PDE3A: variants seen among roughly 807,000 people sequenced by gnomAD.
PDE3A encodes the protein phosphodiesterase 3A, also known as cGMP-inhibited 3',5'-cyclic phosphodiesterase 3A.
A neutral mutation model predicts 98.3 loss-of-function variants in PDE3A; 43 were observed. The observed-to-expected ratio is 0.44, with a 90% CI of 0.34 to 0.56. PDE3A has a LOEUF of 0.56. Among genes scored for constraint, PDE3A ranks in the 20% least tolerant of loss-of-function variants. The probability of loss-of-function intolerance (pLI) is 0.01; values close to 1 mark genes in which losing one functional copy is unlikely to be tolerated. For missense variants in PDE3A, 1,427 were observed against 1,440.7 expected (o/e 0.99, Z 0.15); for synonymous variants, 663 against 567.9 (o/e 1.17, Z -2.38).
chr12:20,623,908 CCAAA>C (rs1363566980), intron 5 of PDE3A, among the ~76,000 whole-genome samples: 4 of 152,038 alleles, frequency 2.6e-5, no homozygotes, highest in African/African-American at 9.6e-5. Context: ...ATGGGTCAAT[CCAAA>C]CAAACATTAA....
chr12:20,444,365 A>G (rs1261340818), intron 1 of PDE3A, among the ~76,000 whole-genome samples: 2 of 152,180 alleles, frequency 1.3e-5, no homozygotes, highest in Non-Finnish European at 2.9e-5. Context: ...CTGAATACAC[A>G]TAAACAACAG....
chr12:20,602,814 G>A (rs1943623549), intron 2 of PDE3A, among the ~76,000 whole-genome samples: 1 of 152,172 alleles, frequency 6.6e-6, no homozygotes, highest in African/African-American at 2.4e-5. Flanking sequence ...ATGAGTTACT[G>A]CAAAATTTTC....
chr12:20,486,897 G>A (rs928825628), intron 1 of PDE3A, among the ~76,000 whole-genome samples: 1 of 152,244 alleles, frequency 6.6e-6, no homozygotes, highest in Admixed American at 6.5e-5. Context: ...GCCTCCCAAA[G>A]TGTTGGGATT....
Position 20,686,899 on chromosome 12 carries a change from T to C in PDE3A, c.*6628T>C, listed in dbSNP as rs1169877088. Among the ~76,000 whole-genome samples, 1 of 152,080 alleles carries C rather than the reference T, an allele frequency of 6.6e-6. No individual in the cohort carries two copies. The highest frequency in any genetic ancestry group is 2.4e-5 in the African/African-American group (1 of 41,432). ...TGAACACTACATAAAATTTGCAGGG[T>C]ATCCCAGGACACCCCTCAGTCTTTA... On this transcript the variant is annotated 3_prime_UTR_variant, in exon 16 of 16. Coordinates refer to ENST00000359062, the MANE Select transcript of PDE3A (RefSeq NM_000921.5).
At chr12:20,514,593 A>G (rs773483231) in intron 1 of PDE3A, among the ~76,000 whole-genome samples, 57 of 152,222 alleles carry the variant, frequency 3.7e-4, no homozygotes, top group Non-Finnish European at 1.6e-4. Flanking sequence ...AAGTCATTTA[A>G]ACTTTCTGAT....
intron 1 of PDE3A, among the ~76,000 whole-genome samples, chr12:20,403,671 A>C (rs1025281167): frequency 5.9e-5 from 9 of 152,182 alleles, no homozygotes; most frequent in Non-Finnish European, 8.8e-5. Context: ...GTGATGAAAA[A>C]GGAGAATTTA....
intron 1 of PDE3A, among the ~76,000 whole-genome samples, chr12:20,437,583 C>T (rs11045246): frequency 0.036 from 5,425 of 151,928 alleles, 137 homozygotes; most frequent in African/African-American, 0.061. Flanking sequence ...TGTCACATGG[C>T]GAGAAAGGGA....
At chr12:20,436,434 T>C (rs1232920452) in intron 1 of PDE3A, among the ~76,000 whole-genome samples, 2 of 152,198 alleles carry the variant, frequency 1.3e-5, no homozygotes, top group Non-Finnish European at 2.9e-5. Context: ...AGCCCACCAG[T>C]GTTCAAAAAT....
chr12:20,620,269 T>C lies in PDE3A; in HGVS notation c.1425-1027T>C, dbSNP rs114229767. 9.6e-3 allele frequency among the ~76,000 whole-genome samples: 1,463 copies of C among 152,162 alleles called. 25 individuals are homozygous for C. Among genetic ancestry groups the C allele is most frequent in the African/African-American group, 0.034 (1,399 of 41,558 alleles). ...ACAGACCAAGCACATCCTGCTTACA[T>C]TGCCAATCTAAGATTGGCAAAAGAT... On this transcript the variant is annotated intron_variant, in intron 4 of 15. Transcript: ENST00000359062.
chr12:20,442,721 A>C (rs1481217259), intron 1 of PDE3A, among the ~76,000 whole-genome samples: 1 of 152,226 alleles, frequency 6.6e-6, no homozygotes, highest in East Asian at 1.9e-4. Context: ...AGCAGTTTGG[A>C]AGTGAAAACT....
At chr12:20,617,210 C>G (rs1379235248) in intron 4 of PDE3A, among the ~76,000 whole-genome samples, 1 of 152,028 alleles carries the variant, frequency 6.6e-6, no homozygotes, top group Non-Finnish European at 1.5e-5. Flanking sequence ...GTAATTTTCT[C>G]CTGATCGTTA....
intron 1 of PDE3A, among the ~76,000 whole-genome samples, chr12:20,527,182 G>T (rs1370292805): frequency 6.6e-6 from 1 of 152,032 alleles, no homozygotes; most frequent in Non-Finnish European, 1.5e-5. Flanking sequence ...GATTACAGGG[G>T]TGAGCCACTG....
chr12:20,461,483 A>G (rs573177545), intron 1 of PDE3A, among the ~76,000 whole-genome samples: 2 of 152,312 alleles, frequency 1.3e-5, no homozygotes, highest in Non-Finnish European at 2.9e-5. Flanking sequence ...TAATTGCTAC[A>G]TGAATAATTG....
At chr12:20,423,960 C>G (rs1944564246) in intron 1 of PDE3A, among the ~76,000 whole-genome samples, 1 of 152,072 alleles carries the variant, frequency 6.6e-6, no homozygotes, top group African/African-American at 2.4e-5. Flanking sequence ...TGAGCAATAA[C>G]TAGGGTGTGA....
intron 2 of PDE3A, among the ~76,000 whole-genome samples, chr12:20,594,016 A>C (rs760633140): frequency 6.6e-6 from 1 of 152,206 alleles, no homozygotes; most frequent in Non-Finnish European, 1.5e-5. Context: ...CTGGTGGTGA[A>C]GCAAGAAAAA....
chr12:20,396,945 A>G (rs925187286), intron 1 of PDE3A, among the ~76,000 whole-genome samples: 6 of 152,098 alleles, frequency 3.9e-5, no homozygotes, highest in Non-Finnish European at 8.8e-5. Context: ...CTGCTCTGCC[A>G]TGTATTAACT....
intron 1 of PDE3A, among the ~76,000 whole-genome samples, chr12:20,526,875 CA>C (rs947232445): frequency 3.5e-5 from 5 of 141,892 alleles, no homozygotes; most frequent in Admixed American, 3.0e-4. Context: ...CATTAGGAGA[CA>C]TTTTTTTCTG....
At chr12:20,450,090 G>A (rs117748328) in intron 1 of PDE3A, 10,690 of 533,352 alleles carry the variant, frequency 0.02, 168 homozygotes, top group Non-Finnish European at 0.025. Context: ...TGCTGGTGCC[G>A]TCTTGGATTT....
chr12:20,563,746 G>T (rs937074221), intron 2 of PDE3A, among the ~76,000 whole-genome samples: 14 of 152,064 alleles, frequency 9.2e-5, no homozygotes, highest in African/African-American at 3.4e-4. Flanking sequence ...TTTGCCTAGG[G>T]CCTCACTTAG....
Sources: gnomAD v4.1 joint callset for allele counts (sites outside exome capture counted in the v4.1 genomes callset) on GRCh38, gnomAD v4.1.1 for gene constraint, MANE v1.5 for transcripts, NCBI Gene and HGNC (gene_info 2026-07-23, HGNC 2026-07-21) for gene names.